MACROD2: variants seen among roughly 807,000 people sequenced by gnomAD.
MACROD2 encodes mono-ADP ribosylhydrolase 2.
A neutral mutation model predicts 70.4 loss-of-function variants in MACROD2; 36 were observed. The observed-to-expected ratio is 0.51, with a 90% confidence interval of 0.39 to 0.68. MACROD2 has a LOEUF of 0.68. Ranked by LOEUF, MACROD2 falls within the 30% of genes least tolerant of loss-of-function variation. The pLI, the probability that MACROD2 is intolerant of heterozygous loss-of-function variation, is 0.00. For synonymous variants in MACROD2, 172 were observed against 178.8 expected (o/e 0.96, Z 0.30); for missense variants, 496 against 538.4 (o/e 0.92, Z 0.78).
At chr20:14,502,110 T>TCAAG (rs1341091970) in intron 4 of MACROD2, among the ~76,000 whole-genome samples, 2 of 152,216 alleles carry the variant, frequency 1.3e-5, no homozygotes, top group African/African-American at 4.8e-5. Flanking sequence ...GAAACAAGTT[T>TCAAG]CAAGCAAAAT....
Position 15,285,684 on chromosome 20 carries a change from G to A in MACROD2, c.540+55623G>A, listed in dbSNP as rs142693496. ...CACATCATGAGCTAGAACCTGTACT[G>A]GTTTTAGGTATGTAGCCAAAGACTA... On this transcript the variant is annotated intron_variant, in intron 6 of 17. Transcript: ENST00000684519. Among the ~76,000 whole-genome samples the A allele has an allele frequency of 4.3e-3, 649 of 152,152 alleles. 5 individuals are homozygous for A. Among genetic ancestry groups the A allele is most frequent in the South Asian group, 0.013 (64 of 4,820 alleles).
rs10638417 is a variant in MACROD2, at chr20:15,191,931, T to TAGAGAG, written c.419-38000_419-37995dup. Among the ~76,000 whole-genome samples, 358 of 142,338 alleles carry TAGAGAG rather than the reference T, an allele frequency of 2.5e-3. 11 individuals carry two copies. The highest frequency in any genetic ancestry group is 7.9e-3 in the African/African-American group (302 of 38,230). The allele number at this position is 142,338 out of a possible 152,430, so 93.4% of individuals were successfully genotyped here. A position where few individuals can be genotyped will look rare whatever the true frequency, so the allele number is the denominator to read the frequency against. ...ACACATATGTGTATATATATATATA[T>TAGAGAG]AGAGAGAGAGAGAGTTAATACATAT... is the stretch of plus-strand genomic sequence containing the variant. On this transcript the variant is annotated intron_variant, in intron 5 of 17. Transcript: ENST00000684519.
chr20:15,672,365 A>ACACACACG (rs1484883522), intron 8 of MACROD2, among the ~76,000 whole-genome samples: 8 of 151,588 alleles, frequency 5.3e-5, no homozygotes, highest in Non-Finnish European at 1.2e-4. Flanking sequence ...ACACACACAC[A>ACACACACG]CACACACACA....
intron 10 of MACROD2, among the ~76,000 whole-genome samples, chr20:15,903,430 G>A (rs547931838): frequency 6.6e-6 from 1 of 152,202 alleles, no homozygotes; most frequent in African/African-American, 2.4e-5. Flanking sequence ...GCAACAGAGA[G>A]TGAAGGGGAG....
At chr20:15,362,993 A>G (rs1040163784) in intron 6 of MACROD2, among the ~76,000 whole-genome samples, 7 of 113,352 alleles carry the variant, frequency 6.2e-5, no homozygotes, top group Non-Finnish European at 9.2e-5. Flanking sequence ...AGAAAGAAGG[A>G]AGAAAGGAAA....
At position 16,043,777 on chromosome 20, in the gene MACROD2, CA is replaced by C. The variant is rs779510136; in HGVS notation, c.1232-793del. On this transcript the variant is annotated intron_variant, in intron 16 of 17. Coordinates refer to ENST00000684519, the MANE Select transcript of MACROD2 (RefSeq NM_001351661.2). ...GAAATTGAAAGTATGGCAAACCAAA[CA>C]GGCCTGATATTGACATTTTGGAGCA... is the stretch of plus-strand genomic sequence containing the variant. Among the ~76,000 whole-genome samples the C allele has an allele frequency of 7.2e-5, 11 of 152,208 alleles. No individual in the cohort carries two copies. In the East Asian group the frequency reaches 1.4e-3, roughly 19 times the overall value.
At chr20:15,666,203 C>T (rs12480578) in intron 8 of MACROD2, among the ~76,000 whole-genome samples, 8,448 of 152,168 alleles carry the variant, frequency 0.056, 340 homozygotes, top group East Asian at 0.2. Context: ...ATCCCAAAAA[C>T]GCAAATAATG....
At chr20:15,721,016 A>G (rs981819863) in intron 8 of MACROD2, among the ~76,000 whole-genome samples, 1 of 152,190 alleles carries the variant, frequency 6.6e-6, no homozygotes, top group East Asian at 1.9e-4. Flanking sequence ...TAATTAATGC[A>G]TTTCCAAAAT....
intron 5 of MACROD2, among the ~76,000 whole-genome samples, chr20:15,128,843 T>G (rs1289190782): frequency 1.5e-5 from 1 of 68,090 alleles, no homozygotes; most frequent in Non-Finnish European, 3.1e-5. Flanking sequence ...GTTTGTGTTT[T>G]GTTTTTTTTT....
At chr20:15,748,722 G>T (rs1199776470) in intron 8 of MACROD2, among the ~76,000 whole-genome samples, 1 of 152,058 alleles carries the variant, frequency 6.6e-6, no homozygotes, top group Non-Finnish European at 1.5e-5. Flanking sequence ...TTCCACTCAA[G>T]TGTATTCCAA....
intron 3 of MACROD2, among the ~76,000 whole-genome samples, chr20:14,376,337 A>G (rs1270244665): frequency 1.3e-5 from 2 of 152,154 alleles, no homozygotes; most frequent in Admixed American, 6.5e-5. Flanking sequence ...ACTGTAGTGC[A>G]TTAGTAATAG....
intron 5 of MACROD2, among the ~76,000 whole-genome samples, chr20:15,201,348 A>T (rs1174391298): frequency 6.6e-6 from 1 of 152,184 alleles, no homozygotes; most frequent in Non-Finnish European, 1.5e-5. Context: ...ATAAGTTTTA[A>T]CTATTTTGGC....
At position 15,011,139 on chromosome 20, in the gene MACROD2, T is replaced by G. The variant is rs1003252054; in HGVS notation, c.419-218801T>G. Among the ~76,000 whole-genome samples, 10 of 152,160 alleles carry G rather than the reference T, an allele frequency of 6.6e-5. 1 individual carries two copies. Among genetic ancestry groups the G allele is most frequent in the African/African-American group, 2.4e-4 (10 of 41,436 alleles). On this transcript the variant is annotated intron_variant, in intron 5 of 17. Coordinates refer to ENST00000684519, the MANE Select transcript of MACROD2 (RefSeq NM_001351661.2). Reference sequence around the variant, plus strand: ...TCTCATGAGGAGTGACAGAGAAGAATGTGTGGCTTGTCCATAGACCTCCTG... The same window carrying G: ...TCTCATGAGGAGTGACAGAGAAGAAGGTGTGGCTTGTCCATAGACCTCCTG...
At chr20:14,966,888 G>T (rs1011377911) in intron 5 of MACROD2, among the ~76,000 whole-genome samples, 6 of 152,080 alleles carry the variant, frequency 3.9e-5, no homozygotes, top group African/African-American at 1.5e-4. Context: ...TAACAATTAT[G>T]TATAAAGCTG....
intron 3 of MACROD2, among the ~76,000 whole-genome samples, chr20:14,216,105 C>T (rs1269243597): frequency 1.3e-5 from 2 of 151,890 alleles, no homozygotes; most frequent in Non-Finnish European, 2.9e-5. Context: ...ACAGGTTTTT[C>T]CAGTGTTCTT....
At chr20:15,695,781 T>C (rs2050359796) in intron 8 of MACROD2, among the ~76,000 whole-genome samples, 1 of 143,250 alleles carries the variant, frequency 7.0e-6, no homozygotes, top group African/African-American at 2.8e-5. Flanking sequence ...TTAGGCATAT[T>C]CCTGCGTATT....
At chr20:14,968,708 A>T (rs2074661568) in intron 5 of MACROD2, among the ~76,000 whole-genome samples, 1 of 152,060 alleles carries the variant, frequency 6.6e-6, no homozygotes. Context: ...GCAATACTGG[A>T]AAGTTTTCAG....
chr20:15,116,873 A>G (rs571783645), intron 5 of MACROD2, among the ~76,000 whole-genome samples: 22 of 152,312 alleles, frequency 1.4e-4, no homozygotes, highest in African/African-American at 4.3e-4. Context: ...TGTACAGGGT[A>G]TCGGTGTCCT....
intron 5 of MACROD2, among the ~76,000 whole-genome samples, chr20:14,861,385 C>T (rs756227278): frequency 1.9e-4 from 29 of 152,040 alleles, no homozygotes; most frequent in Non-Finnish European, 3.2e-4. Flanking sequence ...GAGATTTTGA[C>T]GTAATGACTT....
Sources: allele counts gnomAD v4.1 joint callset (sites outside exome capture counted in the v4.1 genomes callset), GRCh38; gene constraint gnomAD v4.1.1; transcripts MANE v1.5; gene names NCBI Gene and HGNC (gene_info 2026-07-23, HGNC 2026-07-21).